TTN: variants seen among roughly 807,000 people sequenced by gnomAD.
The protein encoded by TTN is connectin.
In TTN, 1,525 loss-of-function variants were observed where a neutral mutation model predicts 3,223.0. That is an observed-to-expected ratio of 0.47 (90% confidence interval 0.45 to 0.49). The LOEUF is 0.49. Ranked by LOEUF, TTN falls within the 20% of genes least tolerant of loss-of-function variation. TTN has a pLI of 0.00. For synonymous variants in TTN, 14,094 were observed against 15,161.0 expected (o/e 0.93, Z 5.17); for missense variants, 40,786 against 43,424.0 (o/e 0.94, Z 5.40).
intron 127 of TTN, among the ~76,000 whole-genome samples, chr2:178,687,867 G>A (rs779453846): frequency 6.6e-6 from 1 of 151,918 alleles, no homozygotes; most frequent in African/African-American, 2.4e-5. Flanking sequence ...TAAATATGAA[G>A]CCTCTTTTAT....
In TTN at chr2:178,539,115, G is replaced by A. The variant is rs777613056; in HGVS notation, c.98820C>T (p.Ser32940=). ...TGTTGTGTCTGACCCACTTGTCAGT[G>A]GATGTCTCTTTGCGTTCGATGTAGT... ...TGYYIERKET[S]TDKWVRHNKT... The change falls in exon 353 of 363, where the codon TCC becomes TCT. Residue 32940 remains serine, a synonymous_variant. Transcript: ENST00000589042. The A allele has an allele frequency of 8.1e-6, 13 of 1,613,658 alleles. No individual in the cohort carries two copies. Among genetic ancestry groups the A allele is most frequent in the Non-Finnish European group, 1.1e-5 (13 of 1,179,766 alleles).
At chr2:178,706,386 G>A in intron 102 of TTN, 68 bp downstream of exon 102, 4 of 1,474,480 alleles carry the variant, frequency 2.7e-6, no homozygotes, top group Non-Finnish European at 3.6e-6. Flanking sequence ...GGGGCTGGTT[G>A]ACTGTGGATG....
In TTN at chr2:178,548,016, C is replaced by T. The variant is rs750367979; in HGVS notation, c.93610G>A (p.Val31204Ile). ...TCGATTTGAGGCTCCTTAATGATGA[C>T]AGAAGAGAAGGCTTCTCTGGGTTCA... The part of the protein sequence containing the change: ...YSEPREAFSS[V>I]IIKEPQIEPT... The change falls in exon 339 of 363, where the codon GTC becomes ATC. Residue 31204 changes from valine (V) to isoleucine (I), a missense_variant. Coordinates refer to ENST00000589042, the MANE Select transcript of TTN (RefSeq NM_001267550.2). The surrounding 1 kb of genome is among the most constrained non-coding windows in gnomAD (Gnocchi z 4.3). 2 of 1,613,758 alleles carry T rather than the reference C, an allele frequency of 1.2e-6. No homozygotes were observed. Among genetic ancestry groups the T allele is most frequent in the Admixed American group, 3.3e-5 (2 of 59,982 alleles).
intron 330 of TTN, 88 bp downstream of exon 330, chr2:178,556,760 G>C: frequency 2.0e-6 from 3 of 1,474,406 alleles, no homozygotes; most frequent in South Asian, 2.5e-5. Context: ...CAGAGTAAAA[G>C]TTATTCTATA....
chr2:178,730,569 T>C lies in TTN; in HGVS notation c.17964A>G (p.Thr5988=). 1.2e-6 allele frequency: 2 copies of C among 1,613,662 alleles called. No individual in the cohort carries two copies. The highest frequency in any genetic ancestry group is 2.2e-5 in the East Asian group (1 of 44,852). The change falls in exon 61 of 363, where the codon ACA becomes ACG. Residue 5988 remains threonine, a synonymous_variant. Coordinates refer to ENST00000589042, the MANE Select transcript of TTN (RefSeq NM_001267550.2). ...ISQLEGTDSG[T]YTCSATNKAG... ...CCTTATTTGTGGCAGAACAAGTGTA[T>C]GTCCCACTGTCTGTACCTTCCAGCT...
chr2:178,613,648 T>A (rs999862979), intron 263 of TTN, 103 bp downstream of exon 263: 2 of 1,232,362 alleles, frequency 1.6e-6, no homozygotes, highest in Non-Finnish European at 2.2e-6. Context: ...TAGTTTAAAA[T>A]TTTTTTAGTA....
At position 178,554,594 on chromosome 2, in the gene TTN, A is replaced by T; in HGVS notation, c.88753T>A (p.Ser29585Thr). ...ETSRVVWSMV[S>T]EHLEECIITT... is the part of the protein sequence containing the mutation. ...ATGATGCACTCTTCCAAATGTTCAG[A>T]CACCATAGACCACACAACGCGGCTT... The change falls in exon 332 of 363, where the codon TCT (serine) becomes ACT (threonine). Residue 29585 changes from serine (S) to threonine (T), a missense_variant. Transcript: ENST00000589042. 2 of 1,613,858 alleles carry T rather than the reference A, an allele frequency of 1.2e-6. No homozygotes were observed. The highest frequency in any genetic ancestry group is 1.7e-6 in the Non-Finnish European group (2 of 1,179,846).
At position 178,599,446 on chromosome 2, in the gene TTN, C is replaced by T. The variant is rs2052685102; in HGVS notation, c.56348-1G>A. The T allele has an allele frequency of 1.3e-6, 2 of 1,522,704 alleles. No individual in the cohort carries two copies. The highest frequency in any genetic ancestry group is 1.8e-6 in the Non-Finnish European group (2 of 1,138,728). The allele number at this position is 1,522,704 out of a possible 1,614,324, so 94.3% of individuals were successfully genotyped here. On this transcript the variant is annotated splice_acceptor_variant, in intron 289 of 362. Transcript: ENST00000589042. LOFTEE classifies it high-confidence loss of function. ...GGTCCCACTGGAGGGCCAGGACGAC[C>T]TAAAATGGTTTAAAGAAGGAACCCT...
chr2:178,551,214 G>C lies in TTN; in HGVS notation c.91317C>G (p.Ile30439Met), dbSNP rs544097378. ...GCAATGGTGGGTTCCATTTAAGTGTGATGGTTTCCCGGGTGACATCAATGT... is the reference window on the plus strand; with the variant it reads ...GCAATGGTGGGTTCCATTTAAGTGTCATGGTTTCCCGGGTGACATCAATGT... ...PDYIDVTRET[I>M]TLKWNPPLRD... Residue 30439 changes from isoleucine (I) to methionine (M), a missense_variant, in exon 336 of 363, where the codon ATC (isoleucine) becomes ATG (methionine). By Grantham distance (10) the Ile-to-Met change is conservative. Transcript: ENST00000589042. The C allele has an allele frequency of 6.2e-7, 1 of 1,613,444 alleles. No homozygotes were observed. The highest frequency in any genetic ancestry group is 1.7e-5 in the Admixed American group (1 of 59,988).
In TTN at chr2:178,767,928, T is replaced by C. The variant is rs757164431; in HGVS notation, c.9306-4A>G. The C allele has an allele frequency of 6.2e-6, 10 of 1,614,064 alleles. No individual in the cohort carries two copies. In the East Asian group the frequency reaches 6.7e-5, roughly 11 times the overall value. Reference sequence around the variant, plus strand: ...TTTCTCCTTCTGAATCTTTATTCTATGGATGAAATGGAAATTCGAGTTTAC... The same window carrying C: ...TTTCTCCTTCTGAATCTTTATTCTACGGATGAAATGGAAATTCGAGTTTAC... On this transcript the variant is annotated splice_polypyrimidine_tract_variant and splice_region_variant and intron_variant, in intron 39 of 362. Transcript: ENST00000589042.
In TTN at chr2:178,543,151, T is replaced by C. The variant is rs1340278796; in HGVS notation, c.96822A>G (p.Leu32274=). The change falls in exon 347 of 363, where the codon TTA becomes TTG. Residue 32274 remains leucine, a synonymous_variant. Transcript: ENST00000589042. ...VTSLNEGEQY[L]FRIRAQNEKG... is the part of the protein sequence containing the mutation. The stretch of plus-strand genomic sequence containing the variant: ...TCTCATTTTGTGCCCTTATTCTAAA[T>C]AAGTATTGTTCACCTTCATTTAAGG... The C allele has an allele frequency of 6.2e-7, 1 of 1,613,196 alleles. No individual in the cohort carries two copies. The highest frequency in any genetic ancestry group is 1.3e-5 in the African/African-American group (1 of 74,970).
At chr2:178,543,738 A>G in intron 346 of TTN, 76 bp from the exon 347 acceptor site, 2 of 1,532,520 alleles carry the variant, frequency 1.3e-6, no homozygotes, top group Non-Finnish European at 1.8e-6. Context: ...TATAATCAAC[A>G]TAGTTCCTTT....
Position 178,720,917 on chromosome 2 carries a change from TA to T in TTN, c.23098+3del, listed in dbSNP as rs2154300948. 1.9e-6 allele frequency: 3 copies of T among 1,582,408 alleles called. No individual in the cohort carries two copies. The highest frequency in any genetic ancestry group is 1.7e-6 in the Non-Finnish European group (2 of 1,159,588). ...AAGAAACAAAGAAGCTTAGTGTGTC[TA>T]ACCTTTCACTGTCAACGCTGTGCTG... On this transcript the variant is annotated splice_donor_region_variant and intron_variant, in intron 79 of 362. Coordinates refer to ENST00000589042, the MANE Select transcript of TTN (RefSeq NM_001267550.2).
At position 178,553,660 on chromosome 2, in the gene TTN, G is replaced by A. The variant is rs1400626224; in HGVS notation, c.89345C>T (p.Thr29782Ile). Reference protein sequence around the residue: ...EIRQGEEEEWTTVSTKGEVRT... With the variant: ...EIRQGEEEEWITVSTKGEVRT... Reference sequence around the variant, plus strand: ...GACCTCTCCTTTGGTAGAGACAGTAGTCCATTCCTCTTCCTCTCCTTGTCT... The same window carrying A: ...GACCTCTCCTTTGGTAGAGACAGTAATCCATTCCTCTTCCTCTCCTTGTCT... The change falls in exon 334 of 363, where the codon ACT (threonine) becomes ATT (isoleucine). Residue 29782 changes from threonine (T) to isoleucine (I), a missense_variant. Coordinates refer to ENST00000589042, the MANE Select transcript of TTN (RefSeq NM_001267550.2). 6.2e-7 allele frequency: 1 copy of A among 1,613,720 alleles called. No individual in the cohort carries two copies. Among genetic ancestry groups the A allele is most frequent in the Non-Finnish European group, 8.5e-7 (1 of 1,179,814 alleles).
chr2:178,641,097 G>T, intron 220 of TTN, 144 bp downstream of exon 220: 1 of 585,656 alleles, frequency 1.7e-6, no homozygotes, highest in Non-Finnish European at 2.9e-6. Flanking sequence ...ACAGAAAGCA[G>T]ACAATGGAAA....
rs369094355 is a variant in TTN at position 178,696,215 on chromosome 2, A to G, written c.30857T>C (p.Ile10286Thr). Reference sequence around the variant, plus strand: ...TTTCTGAACCTCTTTCTTTCTGGTTATAGTCATTATTTTTACTTCTTCAGC... The same window carrying G: ...TTTCTGAACCTCTTTCTTTCTGGTTGTAGTCATTATTTTTACTTCTTCAGC... Reference protein sequence around the residue: ...SKAEEVKIMTITRKKEVQKEK... With the variant: ...SKAEEVKIMTTTRKKEVQKEK... Residue 10286 changes from isoleucine to threonine, a missense_variant, in exon 114 of 363, where the codon ATA (isoleucine) becomes ACA (threonine). Transcript: ENST00000589042. 52 of 1,563,460 alleles carry G rather than the reference A, an allele frequency of 3.3e-5. No homozygotes were observed. Among genetic ancestry groups the G allele is most frequent in the Non-Finnish European group, 4.2e-5 (49 of 1,153,744 alleles).
rs137913679 is a variant in TTN at position 178,583,428 on chromosome 2, C to T, written c.65575+179G>A. On this transcript the variant is annotated intron_variant, in intron 312 of 362. Coordinates refer to ENST00000589042, the MANE Select transcript of TTN (RefSeq NM_001267550.2). ...TTATATAGTTGCCACAGTTGTGTAT[C>T]TTGCTTTTTAATTTAGCATGTTATT... 358 of 842,488 alleles carry T rather than the reference C, an allele frequency of 4.2e-4. No individual in the cohort carries two copies. The African/African-American group carries it at 5.5e-3, about 13-fold the overall frequency. 52.2% of individuals were successfully genotyped at this position (842,488 alleles called of 1,614,324 possible). A position where few individuals can be genotyped will look rare whatever the true frequency, so the allele number is the denominator to read the frequency against.
chr2:178,659,166 G>GTC lies in TTN; in HGVS notation c.37369+4_37369+5dup. 1.5e-6 allele frequency: 1 copy of GTC among 655,382 alleles called. No homozygotes were observed. Among genetic ancestry groups the GTC allele is most frequent in the Non-Finnish European group, 2.5e-6 (1 of 405,162 alleles). 40.6% of individuals were successfully genotyped at this position (655,382 alleles called of 1,614,324 possible). On this transcript the variant is annotated splice_donor_region_variant and intron_variant, in intron 181 of 362. Transcript: ENST00000589042. Reference sequence around the variant, plus strand: ...ATATCAAACACAGCAACAAGAGGGTGTCTACCTTTTGTGGGTGGCACTTCA... The same window carrying GTC: ...ATATCAAACACAGCAACAAGAGGGTGTCTCTACCTTTTGTGGGTGGCACTTCA...
chr2:178,721,099 A>G lies in TTN; in HGVS notation c.22920T>C (p.Val7640=). The G allele has an allele frequency of 6.2e-7, 1 of 1,613,376 alleles. No individual in the cohort carries two copies. Residue 7640 remains valine, a synonymous_variant, in exon 79 of 363, where the codon GTT becomes GTC. Coordinates refer to ENST00000589042, the MANE Select transcript of TTN (RefSeq NM_001267550.2). ...GTTCGCTGTCATTTCGGAACCATGA[A>G]ACTTTGATTTCTGGGGAGCCACTTA... The part of the protein sequence containing the change: ...CKISGSPEIK[V]SWFRNDSELH...
Sources: gnomAD v4.1 joint callset for allele counts (sites outside exome capture counted in the v4.1 genomes callset) on GRCh38, gnomAD v4.1.1 for gene constraint, Gnocchi (gnomAD v3.1) non-coding constraint, MANE v1.5 for transcripts, NCBI Gene and HGNC (gene_info 2026-07-23, HGNC 2026-07-21) for gene names.